The following SCFD2 variants were observed in gnomAD, a reference collection of about 807,000 sequenced individuals.
The protein encoded by SCFD2 is sec1 family domain-containing protein 2.
In SCFD2, 54 loss-of-function variants were observed where a neutral mutation model predicts 58.9. That is an observed-to-expected ratio of 0.92 (90% CI 0.74 to 1.15). The LOEUF (loss-of-function observed/expected upper bound fraction) is 1.15. Ranked by LOEUF, SCFD2 falls within the 50% of genes most tolerant of loss-of-function variation. The probability of loss-of-function intolerance (pLI) is 0.00; values close to 1 mark genes in which losing one functional copy is unlikely to be tolerated. For synonymous variants in SCFD2, 321 were observed against 335.9 expected (o/e 0.96, Z 0.49); for missense variants, 805 against 836.6 (o/e 0.96, Z 0.47).
intron 5 of SCFD2, among the ~76,000 whole-genome samples, chr4:53,018,078 G>T (rs1012908515): frequency 6.6e-6 from 1 of 152,130 alleles, no homozygotes; most frequent in African/African-American, 2.4e-5. Flanking sequence ...TTTGTTTGTT[G>T]TCTTCCCATA....
intron 5 of SCFD2, among the ~76,000 whole-genome samples, chr4:53,048,414 T>C (rs555639317): frequency 1.3e-5 from 2 of 152,112 alleles, no homozygotes; most frequent in African/African-American, 4.8e-5. Context: ...GAGAGTCACT[T>C]TAACCTTTGC....
Position 53,300,355 on chromosome 4 carries a change from T to C in SCFD2, c.1135+13281A>G, listed in dbSNP as rs530593195. 1.4e-4 allele frequency among the ~76,000 whole-genome samples: 22 copies of C among 152,064 alleles called. 1 individual carries two copies. In the South Asian group the frequency reaches 4.0e-3, roughly 27 times the overall value. On this transcript the variant is annotated intron_variant, in intron 3 of 8. Coordinates refer to ENST00000401642, the MANE Select transcript of SCFD2 (RefSeq NM_152540.4). ...CAAAGATCAAAAGAGACAAAGAAGG[T>C]CATTACATAAGGCTAAAGGTATCAA...
intron 3 of SCFD2, among the ~76,000 whole-genome samples, chr4:53,301,219 G>T (rs560281202): frequency 6.6e-6 from 1 of 151,920 alleles, no homozygotes; most frequent in African/African-American, 2.4e-5. Context: ...TAATAAAGAA[G>T]AAAAGAGAGA....
intron 5 of SCFD2, among the ~76,000 whole-genome samples, chr4:53,062,388 TAAC>T (rs1316916263): frequency 8.7e-6 from 1 of 114,650 alleles, no homozygotes; most frequent in Admixed American, 8.9e-5. Flanking sequence ...ATACGTACAA[TAAC>T]AATAATAATA....
At chr4:53,301,904 C>T (rs1252694099) in intron 3 of SCFD2, among the ~76,000 whole-genome samples, 1 of 152,172 alleles carries the variant, frequency 6.6e-6, no homozygotes, top group Non-Finnish European at 1.5e-5. Flanking sequence ...TTCAACAACC[C>T]TCCATGCTAA....
intron 4 of SCFD2, among the ~76,000 whole-genome samples, chr4:53,224,018 C>A (rs766828987): frequency 4.6e-5 from 7 of 152,202 alleles, no homozygotes; most frequent in Non-Finnish European, 7.4e-5. Flanking sequence ...CTTTTCCCTT[C>A]ATTCTGGGCT....
chr4:53,143,514 T>TA (rs1166262621), intron 5 of SCFD2, among the ~76,000 whole-genome samples: 1 of 152,240 alleles, frequency 6.6e-6, no homozygotes, highest in Non-Finnish European at 1.5e-5. Flanking sequence ...ATAGGTTTTA[T>TA]ACTAAGCAAG....
intron 5 of SCFD2, among the ~76,000 whole-genome samples, chr4:52,930,727 T>C (rs1719972934): frequency 6.6e-6 from 1 of 152,214 alleles, no homozygotes; most frequent in Admixed American, 6.5e-5. Context: ...AATATCATGA[T>C]ACTGTATCAC....
chr4:53,232,627 C>G (rs1277432101), intron 4 of SCFD2, among the ~76,000 whole-genome samples: 1 of 152,130 alleles, frequency 6.6e-6, no homozygotes, highest in Admixed American at 6.6e-5. Flanking sequence ...CACTGCAACA[C>G]AATACTGCAA....
At chr4:53,124,501 A>C (rs868160218) in intron 5 of SCFD2, among the ~76,000 whole-genome samples, 4 of 152,346 alleles carry the variant, frequency 2.6e-5, no homozygotes, top group South Asian at 2.1e-4. Context: ...AGATGAACAA[A>C]GTGGTTTGGG....
At chr4:53,187,812 A>G (rs1727781017) in intron 4 of SCFD2, among the ~76,000 whole-genome samples, 1 of 152,172 alleles carries the variant, frequency 6.6e-6, no homozygotes, top group Non-Finnish European at 1.5e-5. Flanking sequence ...AAAATTATAG[A>G]TGACTTTGGA....
At chr4:52,989,408 C>T (rs1381829418) in intron 5 of SCFD2, among the ~76,000 whole-genome samples, 5 of 152,168 alleles carry the variant, frequency 3.3e-5, no homozygotes, top group Non-Finnish European at 7.3e-5. Flanking sequence ...TGTCTCTATT[C>T]ATACTATAAT....
chr4:53,077,610 G>C (rs1039829527), intron 5 of SCFD2, among the ~76,000 whole-genome samples: 1 of 152,010 alleles, frequency 6.6e-6, no homozygotes, highest in African/African-American at 2.4e-5. Flanking sequence ...GCTAATTTTT[G>C]TATTTTTAGT....
At chr4:52,957,017 GA>G (rs1720727603) in intron 5 of SCFD2, 1 of 152,276 alleles carries the variant, frequency 6.6e-6, no homozygotes, top group East Asian at 1.9e-4. Flanking sequence ...ATGCTTTGGG[GA>G]ACTCATGTGG....
chr4:53,068,284 AAATTT>A (rs1723720657), intron 5 of SCFD2, among the ~76,000 whole-genome samples: 2 of 152,114 alleles, frequency 1.3e-5, no homozygotes, highest in African/African-American at 4.8e-5. Flanking sequence ...AAATATACAT[AAATTT>A]AACTGTCAGA....
chr4:53,240,795 C>T lies in SCFD2; in HGVS notation c.1311+33031G>A, dbSNP rs115629400. 2.5e-3 allele frequency among the ~76,000 whole-genome samples: 380 copies of T among 152,322 alleles called. 2 individuals are homozygous for T. The highest frequency in any genetic ancestry group is 0.024 in the Middle Eastern group (7 of 294). ...GCTGCCTATGCCACAGGGCAGTGGT[C>T]GATGGCTTCTGCTATCCAGTGCCTT... is the stretch of plus-strand genomic sequence containing the variant. On this transcript the variant is annotated intron_variant, in intron 4 of 8. Coordinates refer to ENST00000401642, the MANE Select transcript of SCFD2 (RefSeq NM_152540.4).
chr4:52,967,763 T>C (rs976216814), intron 5 of SCFD2, among the ~76,000 whole-genome samples: 2 of 152,204 alleles, frequency 1.3e-5, no homozygotes, highest in African/African-American at 4.8e-5. Context: ...ACCAGTGTTT[T>C]CTGAGCCATG....
intron 2 of SCFD2, among the ~76,000 whole-genome samples, chr4:53,327,153 G>A (rs1253079062): frequency 6.6e-6 from 1 of 152,106 alleles, no homozygotes; most frequent in Non-Finnish European, 1.5e-5. Flanking sequence ...GCCTGAGAGG[G>A]GTGAGCGGGT....
chr4:53,013,279 G>A lies in SCFD2; in HGVS notation c.1562-92409C>T, dbSNP rs571524572. On this transcript the variant is annotated intron_variant, in intron 5 of 8. Coordinates refer to ENST00000401642, the MANE Select transcript of SCFD2 (RefSeq NM_152540.4). ...ATCAAGTACTGGTAAATACAGCTAT[G>A]TTAGTTTCATAGCCTTAATTCCCTT... 2.2e-4 allele frequency among the ~76,000 whole-genome samples: 34 copies of A among 152,258 alleles called. 1 individual carries two copies. The highest frequency in any genetic ancestry group is 6.8e-3 in the Middle Eastern group (2 of 294).
Sources: allele counts gnomAD v4.1 joint callset (sites outside exome capture counted in the v4.1 genomes callset), GRCh38; gene constraint gnomAD v4.1.1; transcripts MANE v1.5; gene names NCBI Gene and HGNC (gene_info 2026-07-23, HGNC 2026-07-21).